Variants in R3HDM1 observed in about 807,000 individuals in gnomAD.
R3HDM1 encodes the protein R3H domain-containing protein 1.
A neutral mutation model predicts 141.1 loss-of-function variants in R3HDM1; 46 were observed. The ratio of observed to expected loss-of-function variants is 0.33; its 90% CI spans 0.26 to 0.42. The LOEUF is 0.42. Among genes scored for constraint, R3HDM1 ranks in the 10% least tolerant of loss-of-function variants. The probability of loss-of-function intolerance (pLI) is 1.00; values close to 1 mark genes in which losing one functional copy is unlikely to be tolerated. For missense variants in R3HDM1, 1,184 were observed against 1,368.3 expected (o/e 0.87, Z 2.12); for synonymous variants, 435 against 472.9 (o/e 0.92, Z 1.04).
At chr2:135,650,848 C>T (rs1441172671) in intron 17 of R3HDM1, 2 of 985,126 alleles carry the variant, frequency 2.0e-6, no homozygotes, top group East Asian at 1.1e-4. Flanking sequence ...TATGATGACT[C>T]AATTGCCACA....
chr2:135,590,513 T>C, intron 1 of R3HDM1: 3 of 968,196 alleles, frequency 3.1e-6, no homozygotes, highest in African/African-American at 1.8e-5. Flanking sequence ...GTGGTAGACA[T>C]AGCTAGGAAA....
intron 7 of R3HDM1, chr2:135,622,937 T>A (rs2061645605): frequency 1.0e-6 from 1 of 982,198 alleles, no homozygotes; most frequent in Non-Finnish European, 1.2e-6. Context: ...CATGTCACCA[T>A]GATGTATGAA....
chr2:135,537,174 TAAAAA>T (rs60737602), intron 1 of R3HDM1, among the ~76,000 whole-genome samples: 2 of 115,232 alleles, frequency 1.7e-5, no homozygotes, highest in Non-Finnish European at 3.7e-5. Context: ...CTCTGGAATT[TAAAAA>T]AAAAAAAAAA....
At chr2:135,645,310 T>C (rs2064275381) in intron 15 of R3HDM1, 69 bp from the exon 16 acceptor site, 1 of 1,317,144 alleles carries the variant, frequency 7.6e-7, no homozygotes, top group Non-Finnish European at 1.0e-6. Context: ...CTTTGTAAAT[T>C]GTTAGTAAAA....
intron 1 of R3HDM1, among the ~76,000 whole-genome samples, chr2:135,543,844 A>G (rs1698130984): frequency 6.6e-6 from 1 of 152,234 alleles, no homozygotes; most frequent in South Asian, 2.1e-4. Flanking sequence ...TACAAAGATA[A>G]AAAGGGGAGG....
intron 16 of R3HDM1, 84 bp downstream of exon 16, chr2:135,645,611 G>A: frequency 2.1e-6 from 3 of 1,457,646 alleles, no homozygotes; most frequent in Non-Finnish European, 2.8e-6. Context: ...AATTGAGATA[G>A]CCTAAGTATC....
At chr2:135,622,807 G>T in intron 7 of R3HDM1, 75 bp downstream of exon 7, 1 of 1,440,740 alleles carries the variant, frequency 6.9e-7, no homozygotes, top group Non-Finnish European at 9.2e-7. Flanking sequence ...TCATTATTGA[G>T]TTAGAGTAAT....
At chr2:135,714,006 A>G (rs1268358066) in intron 23 of R3HDM1, among the ~76,000 whole-genome samples, 2 of 152,236 alleles carry the variant, frequency 1.3e-5, no homozygotes, top group East Asian at 3.8e-4. Context: ...GTGAAATTAA[A>G]AGATCACCAC....
Position 135,631,740 on chromosome 2 carries a change from T to C in R3HDM1, c.520T>C (p.Leu174=), listed in dbSNP as rs1475781619. ...NPRDRMMLLK[L]EQEILDFIGN... The stretch of plus-strand genomic sequence containing the variant: ...CAGGGACAGAATGATGCTGCTGAAA[T>C]TGGAACAAGAAATTTTAGATTTCAT... Residue 174 remains leucine (L), a synonymous_variant, in exon 8 of 27, where the codon TTG becomes CTG. Transcript: ENST00000683871. 1 of 1,573,782 alleles carries C rather than the reference T, an allele frequency of 6.4e-7. No individual in the cohort carries two copies. Among genetic ancestry groups the C allele is most frequent in the African/African-American group, 1.4e-5 (1 of 72,458 alleles).
intron 1 of R3HDM1, among the ~76,000 whole-genome samples, chr2:135,578,702 CAA>C (rs1206832191): frequency 2.6e-5 from 4 of 152,046 alleles, no homozygotes; most frequent in Admixed American, 6.6e-5. Flanking sequence ...AAGCTAAACA[CAA>C]GACAAAAAAC....
intron 1 of R3HDM1, among the ~76,000 whole-genome samples, chr2:135,568,599 C>T (rs554001981): frequency 6.6e-6 from 1 of 152,336 alleles, no homozygotes; most frequent in South Asian, 2.1e-4. Flanking sequence ...ATCTACCCGC[C>T]TTGGCCTCCC....
intron 3 of R3HDM1, among the ~76,000 whole-genome samples, chr2:135,615,152 A>C (rs2060901669): frequency 6.6e-6 from 1 of 152,042 alleles, no homozygotes; most frequent in South Asian, 2.1e-4. Flanking sequence ...ATTTTGAAGA[A>C]CTTTTGGCTC....
intron 16 of R3HDM1, among the ~76,000 whole-genome samples, chr2:135,646,614 G>A (rs1160335942): frequency 1.3e-5 from 2 of 151,310 alleles, no homozygotes; most frequent in African/African-American, 2.4e-5. Flanking sequence ...TTAGGAGGCC[G>A]AGGCAGGCAG....
intron 24 of R3HDM1, among the ~76,000 whole-genome samples, chr2:135,716,696 G>A (rs1358437210): frequency 6.6e-6 from 1 of 152,220 alleles, no homozygotes; most frequent in Non-Finnish European, 1.5e-5. Flanking sequence ...GCTCACACCT[G>A]TAATCCCAGC....
rs140079289 is a variant in R3HDM1, at chr2:135,652,993, C to T, written c.2028+961C>T. ...TTATTTCTTGGTATTGGTAATTTTGCTCTCTCTTTTTTGTTTTTTATTAAT... is the reference window on the plus strand; with the variant it reads ...TTATTTCTTGGTATTGGTAATTTTGTTCTCTCTTTTTTGTTTTTTATTAAT... On this transcript the variant is annotated intron_variant, in intron 18 of 26. Transcript: ENST00000683871. 1.1e-3 allele frequency among the ~76,000 whole-genome samples: 161 copies of T among 151,024 alleles called. 2 individuals carry two copies. The East Asian group carries it at 0.026, about 24-fold the overall frequency.
chr2:135,588,308 CTG>C (rs1708416504), intron 1 of R3HDM1, among the ~76,000 whole-genome samples: 1 of 151,970 alleles, frequency 6.6e-6, no homozygotes, highest in East Asian at 1.9e-4. Context: ...CTTTCTGTCT[CTG>C]TGTGTCTCCC....
rs1292911060 is a variant in R3HDM1 at position 135,675,506 on chromosome 2, T to C, written c.2307+20T>C. On this transcript the variant is annotated intron_variant, in intron 20 of 26. Coordinates refer to ENST00000683871, the MANE Select transcript of R3HDM1 (RefSeq NM_001378107.1). ...TATCAGGTATATTGTCTCTTTTATG[T>C]ACTTTGGGTAGAGATGATTTCGAAT... The C allele has an allele frequency of 4.4e-6, 7 of 1,593,156 alleles. No homozygotes were observed. The highest frequency in any genetic ancestry group is 6.0e-6 in the Non-Finnish European group (7 of 1,164,526).
At chr2:135,615,514 C>T (rs2060942269) in intron 3 of R3HDM1, among the ~76,000 whole-genome samples, 1 of 152,186 alleles carries the variant, frequency 6.6e-6, no homozygotes, top group Non-Finnish European at 1.5e-5. Flanking sequence ...ACCGCATTCT[C>T]CAATCATGTG....
chr2:135,629,315 AAAACAAAC>A (rs138706311), intron 7 of R3HDM1, among the ~76,000 whole-genome samples: 4 of 151,644 alleles, frequency 2.6e-5, no homozygotes, highest in African/African-American at 7.3e-5. Context: ...GACTGTCTCA[AAAACAAAC>A]AAACAAACAA....
Sources: allele counts gnomAD v4.1 joint callset (sites outside exome capture counted in the v4.1 genomes callset), GRCh38; gene constraint gnomAD v4.1.1; transcripts MANE v1.5; gene names NCBI Gene and HGNC (gene_info 2026-07-23, HGNC 2026-07-21).